PHF21A: variants seen among roughly 807,000 people sequenced by gnomAD.
PHF21A encodes BHC80a.
In PHF21A, 11 loss-of-function variants were observed where a neutral mutation model predicts 82.5. That is an observed-to-expected ratio of 0.13 (90% CI 0.08 to 0.22). The LOEUF is 0.22. Ranked by LOEUF, PHF21A falls within the 10% of genes least tolerant of loss-of-function variation. The probability of loss-of-function intolerance (pLI) is 1.00; values close to 1 mark genes in which losing one functional copy is unlikely to be tolerated. For missense variants in PHF21A, 579 were observed against 837.8 expected, an observed-to-expected ratio of 0.69 and a Z score of 3.81; for synonymous variants, 297 against 302.8, an observed-to-expected ratio of 0.98 and a Z score of 0.20.
intron 13 of PHF21A, 33 bp downstream of exon 13, chr11:45,949,369 A>G: frequency 1.3e-6 from 2 of 1,568,154 alleles, no homozygotes; most frequent in Non-Finnish European, 1.8e-6. Flanking sequence ...AAACTGGAAC[A>G]TGAGGGAAGG....
At chr11:45,963,850 C>G (rs1383624676) in intron 10 of PHF21A, among the ~76,000 whole-genome samples, 1 of 152,124 alleles carries the variant, frequency 6.6e-6, no homozygotes, top group Non-Finnish European at 1.5e-5. Flanking sequence ...TAGTTTAATA[C>G]CAAAGTTCTG....
intron 3 of PHF21A, among the ~76,000 whole-genome samples, chr11:46,086,945 C>G (rs925644501): frequency 1.3e-5 from 2 of 152,080 alleles, no homozygotes; most frequent in African/African-American, 2.4e-5. Context: ...GAATGACCAA[C>G]AAACATGAAA....
intron 10 of PHF21A, 122 bp from the exon 11 acceptor site, chr11:45,953,747 T>C (rs557228684): frequency 9.1e-6 from 6 of 658,462 alleles, no homozygotes; most frequent in African/African-American, 1.8e-5. Context: ...GTGGAACATA[T>C]TAATAAAAAG....
intron 9 of PHF21A, among the ~76,000 whole-genome samples, chr11:45,967,615 T>C (rs1198560222): frequency 6.6e-6 from 1 of 152,212 alleles, no homozygotes; most frequent in African/African-American, 2.4e-5. Flanking sequence ...TGAGCTATCC[T>C]TGGACAGCTG....
chr11:45,948,637 G>T (rs2091655093), intron 14 of PHF21A, among the ~76,000 whole-genome samples: 1 of 152,252 alleles, frequency 6.6e-6, no homozygotes, highest in African/African-American at 2.4e-5. Context: ...GGGCAGAAAT[G>T]CTACATTAAG....
intron 10 of PHF21A, among the ~76,000 whole-genome samples, chr11:45,959,575 C>T (rs1285517919): frequency 6.6e-6 from 1 of 151,890 alleles, no homozygotes; most frequent in Non-Finnish European, 1.5e-5. Context: ...GAAAAGGCAC[C>T]CAAATTGGAA....
At chr11:46,059,743 T>C (rs1054000761) in intron 6 of PHF21A, among the ~76,000 whole-genome samples, 8 of 152,130 alleles carry the variant, frequency 5.3e-5, no homozygotes, top group African/African-American at 1.9e-4. Flanking sequence ...ATTTATTTAT[T>C]TGAGACAGAG....
chr11:45,936,450 A>C, intron 17 of PHF21A, 44 bp downstream of exon 17: 1 of 1,163,202 alleles, frequency 8.6e-7, no homozygotes, highest in Non-Finnish European at 1.3e-6. Flanking sequence ...TTTTTTTCAA[A>C]CAAGGGGAAG....
At chr11:45,945,325 T>C (rs573411441) in intron 15 of PHF21A, among the ~76,000 whole-genome samples, 32 of 152,330 alleles carry the variant, frequency 2.1e-4, no homozygotes, top group African/African-American at 7.7e-4. Context: ...TACTAAGTAT[T>C]TGACAGTTTT....
At chr11:46,118,930 C>T (rs1388174212) in intron 1 of PHF21A, 2 of 152,116 alleles carry the variant, frequency 1.3e-5, no homozygotes, top group Non-Finnish European at 2.9e-5. Flanking sequence ...ATATCATAAA[C>T]ACTGAAAAGT....
rs2088810103 is a variant in PHF21A at position 45,935,738 on chromosome 11, TG to T, written c.1685del (p.Ala562GlufsTer16). 1 of 1,043,282 alleles carries T rather than the reference TG, an allele frequency of 9.6e-7. No homozygotes were observed. 64.6% of individuals were successfully genotyped at this position (1,043,282 alleles called of 1,614,324 possible). A position where few individuals can be genotyped will look rare whatever the true frequency, so the allele number is the denominator to read the frequency against. On this transcript the variant is annotated frameshift_variant and splice_region_variant, in exon 18 of 19. Transcript: ENST00000676320. LOFTEE classifies it high-confidence loss of function. ...GTAACTTCTGTTTCTCTTCTTCTTT[TG>T]CTAAAAAAAAAAAAAAAAAAAAAAA... ...IVHSYIAYKAAKEEEKQKLLK... is the reference protein window; with the variant it reads ...IVHSYIAYKAXKEEEKQKLLK...
chr11:45,964,738 G>A (rs1277667912), intron 10 of PHF21A, among the ~76,000 whole-genome samples: 7 of 152,054 alleles, frequency 4.6e-5, no homozygotes, highest in African/African-American at 7.2e-5. Flanking sequence ...CTCTAGCCTC[G>A]TTTTTTAAGA....
intron 6 of PHF21A, among the ~76,000 whole-genome samples, chr11:46,029,642 C>A (rs1044351484): frequency 6.7e-6 from 1 of 149,562 alleles, no homozygotes; most frequent in Admixed American, 6.7e-5. Context: ...GAGCCAAGAT[C>A]GTGCCACTGC....
At chr11:46,027,149 C>A (rs1366756810) in intron 6 of PHF21A, 1 of 152,200 alleles carries the variant, frequency 6.6e-6, no homozygotes, top group Non-Finnish European at 1.5e-5. Flanking sequence ...CCAATCCAAG[C>A]AGCAGCTGTC....
chr11:46,104,835 T>C (rs1407025157), intron 1 of PHF21A, among the ~76,000 whole-genome samples: 1 of 152,204 alleles, frequency 6.6e-6, no homozygotes, highest in Admixed American at 6.5e-5. Flanking sequence ...ATGTGATACA[T>C]CTTTATTGGA....
chr11:46,062,990 GC>G (rs2096553874), intron 6 of PHF21A, among the ~76,000 whole-genome samples: 1 of 152,198 alleles, frequency 6.6e-6, no homozygotes, highest in African/African-American at 2.4e-5. Flanking sequence ...CAGAGGTGAT[GC>G]ATATGCTCAT....
At chr11:46,029,548 C>T (rs1235129162) in intron 6 of PHF21A, among the ~76,000 whole-genome samples, 9 of 151,826 alleles carry the variant, frequency 5.9e-5, no homozygotes, top group Admixed American at 2.6e-4. Context: ...ATTAGCTGGG[C>T]GTGGTAGCGC....
intron 7 of PHF21A, among the ~76,000 whole-genome samples, chr11:45,979,039 C>T (rs533301532): frequency 6.1e-5 from 9 of 148,574 alleles, no homozygotes; most frequent in South Asian, 2.1e-4. Flanking sequence ...TTTTTTGAGA[C>T]GGAGTTTTGC....
chr11:45,959,415 T>C (rs572522226), intron 10 of PHF21A, among the ~76,000 whole-genome samples: 75 of 152,328 alleles, frequency 4.9e-4, no homozygotes, highest in African/African-American at 1.7e-3. Context: ...CTTGACTTTA[T>C]AAAAAACATT....
Sources: gnomAD v4.1 joint callset for allele counts (sites outside exome capture counted in the v4.1 genomes callset) on GRCh38, gnomAD v4.1.1 for gene constraint, MANE v1.5 for transcripts, NCBI Gene and HGNC (gene_info 2026-07-23, HGNC 2026-07-21) for gene names.